Variants in NCALD observed in about 807,000 individuals in gnomAD.
NCALD encodes the protein neurocalcin delta, also known as neurocalcin-delta.
NCALD carries 10 observed loss-of-function variants against 18.6 expected under a neutral mutation model. The ratio of observed to expected loss-of-function variants is 0.54; its 90% CI spans 0.33 to 0.91. NCALD has a LOEUF of 0.91. Among genes scored for constraint, NCALD ranks in the 40% least tolerant of loss-of-function variants. The probability of loss-of-function intolerance (pLI) is 0.03; values close to 1 mark genes in which losing one functional copy is unlikely to be tolerated. For missense variants in NCALD, 184 were observed against 247.6 expected (o/e 0.74, Z 1.72); for synonymous variants, 88 against 87.4 (o/e 1.01, Z -0.04).
At chr8:102,116,004 T>C (rs1457086084) in intron 1 of NCALD, among the ~76,000 whole-genome samples, 2 of 152,158 alleles carry the variant, frequency 1.3e-5, no homozygotes, top group Non-Finnish European at 2.9e-5. Context: ...TGTTTGTTTA[T>C]TTTGTTGTTT....
chr8:101,709,221 G>A (rs1815671199), intron 2 of NCALD, among the ~76,000 whole-genome samples: 1 of 152,148 alleles, frequency 6.6e-6, no homozygotes, highest in Admixed American at 6.5e-5. Context: ...AGAGGATGAA[G>A]TAAAGTTACA....
chr8:101,952,717 T>C (rs1819478582), intron 2 of NCALD, among the ~76,000 whole-genome samples: 1 of 152,170 alleles, frequency 6.6e-6, no homozygotes, highest in African/African-American at 2.4e-5. Context: ...GGGAAAGATT[T>C]GAATGTTGTG....
chr8:101,712,602 A>AAAAAAAAAAAAAAAAAAAG (rs1563683244), intron 2 of NCALD, among the ~76,000 whole-genome samples: 8 of 129,716 alleles, frequency 6.2e-5, no homozygotes, highest in African/African-American at 2.0e-4. Context: ...AAAAAAAAAA[A>AAAAAAAAAAAAAAAAAAAG]AAAAAAAAAT....
At chr8:101,746,639 C>T (rs984062195) in intron 1 of NCALD, among the ~76,000 whole-genome samples, 1 of 152,052 alleles carries the variant, frequency 6.6e-6, no homozygotes, top group Admixed American at 6.5e-5. Context: ...GCAAAATGAG[C>T]TTCCTTGTTT....
chr8:102,108,765 G>A (rs963204556), intron 1 of NCALD, among the ~76,000 whole-genome samples: 2 of 152,222 alleles, frequency 1.3e-5, no homozygotes, highest in Middle Eastern at 3.4e-3. Context: ...TAATAATAAT[G>A]CTCCTGGAAG....
At chr8:101,705,839 T>A (rs1291121649) in intron 2 of NCALD, among the ~76,000 whole-genome samples, 1 of 152,198 alleles carries the variant, frequency 6.6e-6, no homozygotes, top group Non-Finnish European at 1.5e-5. Context: ...CCCCAGCTGA[T>A]GCTGCATGGA....
chr8:102,038,286 C>T lies in NCALD; in HGVS notation c.-209-17997G>A, dbSNP rs189289486. On this transcript the variant is annotated intron_variant, in intron 1 of 6. Transcript: ENST00000311028. ...TACCTTCCCACACAGACTCTGCCCA[C>T]GCCACGGGGAAAGAAAACAATTGCT... Among the ~76,000 whole-genome samples the T allele has an allele frequency of 1.9e-3, 283 of 152,250 alleles. 1 individual carries two copies. Among genetic ancestry groups the T allele is most frequent in the African/African-American group, 5.0e-3 (206 of 41,536 alleles).
At chr8:101,797,927 A>G (rs1382962234) in intron 4 of NCALD, among the ~76,000 whole-genome samples, 1 of 152,172 alleles carries the variant, frequency 6.6e-6, no homozygotes, top group Non-Finnish European at 1.5e-5. Context: ...ATAAAAAAAA[A>G]TCTTTTATGT....
intron 4 of NCALD, among the ~76,000 whole-genome samples, chr8:101,844,847 T>C (rs1339220739): frequency 3.3e-5 from 5 of 152,328 alleles, no homozygotes; most frequent in Non-Finnish European, 5.9e-5. Context: ...GGAAAGAGAA[T>C]ACTACCCAAT....
intron 1 of NCALD, among the ~76,000 whole-genome samples, chr8:101,783,579 G>A (rs1306458758): frequency 6.6e-6 from 1 of 152,196 alleles, no homozygotes; most frequent in Non-Finnish European, 1.5e-5. Flanking sequence ...AGAAAAGTAG[G>A]CAGCAATTTA....
chr8:102,052,197 T>C (rs1823480288), intron 1 of NCALD, among the ~76,000 whole-genome samples: 1 of 152,242 alleles, frequency 6.6e-6, no homozygotes, highest in African/African-American at 2.4e-5. Context: ...GCTTCTTAGT[T>C]CTTCTGATGT....
chr8:102,026,532 G>A (rs1035480734), intron 1 of NCALD, among the ~76,000 whole-genome samples: 2 of 152,206 alleles, frequency 1.3e-5, no homozygotes, highest in Non-Finnish European at 2.9e-5. Flanking sequence ...TCATGCTGAT[G>A]CAAGAGGTGG....
At chr8:102,019,324 T>C (rs896428782) in intron 2 of NCALD, among the ~76,000 whole-genome samples, 2 of 152,150 alleles carry the variant, frequency 1.3e-5, no homozygotes, top group African/African-American at 4.8e-5. Flanking sequence ...GATTGTGGCA[T>C]AAATTTTTAA....
chr8:101,696,531 AAGG>A (rs1815001297), intron 2 of NCALD, among the ~76,000 whole-genome samples: 1 of 152,186 alleles, frequency 6.6e-6, no homozygotes, highest in African/African-American at 2.4e-5. Context: ...GGAGCGTGGC[AAGG>A]AGGTCAACAG....
At chr8:101,958,159 G>A (rs558531995) in intron 2 of NCALD, among the ~76,000 whole-genome samples, 2 of 152,194 alleles carry the variant, frequency 1.3e-5, no homozygotes, top group African/African-American at 4.8e-5. Flanking sequence ...TCTAGAAATG[G>A]AATTATAATG....
intron 2 of NCALD, among the ~76,000 whole-genome samples, chr8:101,718,752 T>C (rs1816208968): frequency 6.6e-6 from 1 of 152,186 alleles, no homozygotes; most frequent in African/African-American, 2.4e-5. Flanking sequence ...CAGGCCATGA[T>C]GGAAGGGGTG....
intron 1 of NCALD, among the ~76,000 whole-genome samples, chr8:101,737,425 T>C (rs1809972360): frequency 6.6e-6 from 1 of 152,202 alleles, no homozygotes; most frequent in Non-Finnish European, 1.5e-5. Flanking sequence ...CCTGTTCAAG[T>C]CATGTCCTTT....
chr8:101,869,255 A>G (rs568759678), intron 4 of NCALD, among the ~76,000 whole-genome samples: 5 of 152,324 alleles, frequency 3.3e-5, no homozygotes, highest in South Asian at 2.1e-4. Context: ...GACAGGCCCA[A>G]TGTAATTACA....
chr8:101,692,205 C>T (rs1005432023), intron 3 of NCALD: 79 of 985,268 alleles, frequency 8.0e-5, no homozygotes, highest in Non-Finnish European at 9.5e-5. Flanking sequence ...TTTTTCACTT[C>T]GTTGGGTTTG....
Sources: allele counts gnomAD v4.1 joint callset (sites outside exome capture counted in the v4.1 genomes callset), GRCh38; gene constraint gnomAD v4.1.1; transcripts MANE v1.5; gene names NCBI Gene and HGNC (gene_info 2026-07-23, HGNC 2026-07-21).